FGF13: variants seen among roughly 807,000 people sequenced by gnomAD.
FGF13 encodes fibroblast growth factor homologous factor 2.
In FGF13, 2 loss-of-function variants were observed where a neutral mutation model predicts 19.5. The observed-to-expected ratio is 0.10, with a 90% CI of 0.04 to 0.32. The LOEUF (loss-of-function observed/expected upper bound fraction) is 0.32. FGF13 is among the 10% of genes least tolerant of loss of function. The pLI is 1.00. For synonymous variants in FGF13, 72 were observed against 76.9 expected (o/e 0.94, Z 0.33); for missense variants, 113 against 192.7 (o/e 0.59, Z 2.45).
intron 1 of FGF13, among the ~76,000 whole-genome samples, chrX:139,091,816 C>T (rs145324831): frequency 0.027 from 2,964 of 110,433 alleles, 45 homozygotes; most frequent in Admixed American, 0.074. Flanking sequence ...TGGAAATGAG[C>T]GCACATGAAG....
At chrX:138,662,526 T>A (rs1310554258) in intron 3 of FGF13, among the ~76,000 whole-genome samples, 1 of 111,511 alleles carries the variant, frequency 9.0e-6, no homozygotes, top group Non-Finnish European at 1.9e-5. Flanking sequence ...ACATACTGAA[T>A]CTACATCCAG....
intron 1 of FGF13, among the ~76,000 whole-genome samples, chrX:138,915,679 T>C (rs933626125): frequency 4.5e-5 from 5 of 111,839 alleles, no homozygotes; most frequent in African/African-American, 1.6e-4. Flanking sequence ...GACGGGTCCA[T>C]GGTCTTCTCT....
intron 1 of FGF13, among the ~76,000 whole-genome samples, chrX:139,133,982 C>A: frequency 9.0e-6 from 1 of 111,679 alleles, no homozygotes. Context: ...TCAGGCCACA[C>A]TTGTCTTCCA....
intron 1 of FGF13, among the ~76,000 whole-genome samples, chrX:139,076,439 A>G (rs1466373381): frequency 1.8e-5 from 2 of 111,497 alleles, no homozygotes; most frequent in Non-Finnish European, 3.8e-5. Context: ...CAGATCTAAA[A>G]AGGTAAAAAA....
intron 1 of FGF13, among the ~76,000 whole-genome samples, chrX:139,156,874 G>A (rs151263884): frequency 5.2e-4 from 58 of 111,871 alleles, no homozygotes; most frequent in Admixed American, 3.8e-4. Flanking sequence ...ATTGCTTTAT[G>A]TCAAATTGAA....
In FGF13 at chrX:138,617,363, T is replaced by G. The variant is rs1433220098; in HGVS notation, c.*15487A>C. 8.9e-6 allele frequency: 1 copy of G among 112,009 alleles called. No homozygotes were observed. The highest frequency in any genetic ancestry group is 1.9e-5 in the Non-Finnish European group (1 of 53,247). 9.2% of individuals were successfully genotyped at this position (112,009 alleles called of 1,213,427 possible). ...TTATTTTATAGATAAGAGCATTAAT[T>G]GATGGATATATTTTCATAATGAAAT... On this transcript the variant is annotated 3_prime_UTR_variant, in exon 5 of 5. Coordinates refer to ENST00000315930, the MANE Select transcript of FGF13 (RefSeq NM_004114.5).
intron 3 of FGF13, among the ~76,000 whole-genome samples, chrX:138,655,493 A>C (rs991089489): frequency 1.8e-5 from 2 of 111,845 alleles, no homozygotes; most frequent in African/African-American, 6.5e-5. Flanking sequence ...TAATTGGTTA[A>C]AGAAAAACAA....
At chrX:138,950,906 C>A (rs1234748645) in intron 1 of FGF13, among the ~76,000 whole-genome samples, 1 of 110,923 alleles carries the variant, frequency 9.0e-6, no homozygotes, top group African/African-American at 3.3e-5. Context: ...TTGCTTCTGG[C>A]ACTAAAAACT....
chrX:139,122,827 T>C, intron 1 of FGF13, among the ~76,000 whole-genome samples: 1 of 111,386 alleles, frequency 9.0e-6, no homozygotes, highest in Non-Finnish European at 1.9e-5. Context: ...CAGCAAATCT[T>C]GCAAACTCTA....
chrX:138,985,759 G>A (rs2124341099), intron 1 of FGF13, among the ~76,000 whole-genome samples: 1 of 112,139 alleles, frequency 8.9e-6, no homozygotes, highest in Non-Finnish European at 1.9e-5. Context: ...TAGAAAATAA[G>A]TAAATAGTAA....
intron 3 of FGF13, among the ~76,000 whole-genome samples, chrX:138,674,223 C>T (rs921437511): frequency 1.8e-5 from 2 of 110,860 alleles, no homozygotes; most frequent in African/African-American, 6.6e-5. Context: ...ACACTTAAAT[C>T]CCTCAACTCT....
At chrX:138,781,128 G>C (rs1289576565) in intron 3 of FGF13, among the ~76,000 whole-genome samples, 20 of 111,098 alleles carry the variant, frequency 1.8e-4, no homozygotes, top group South Asian at 3.8e-4. Context: ...TGAGAACAAA[G>C]ACACAACATA....
intron 1 of FGF13, among the ~76,000 whole-genome samples, chrX:138,942,811 C>T (rs779358491): frequency 2.2e-4 from 25 of 111,124 alleles, no homozygotes; most frequent in Non-Finnish European, 3.8e-4. Context: ...CTCATTATGC[C>T]GACTCCTTGT....
At chrX:139,013,099 C>T (rs972184883) in intron 1 of FGF13, among the ~76,000 whole-genome samples, 2 of 111,505 alleles carry the variant, frequency 1.8e-5, no homozygotes. Context: ...AAATGCTGAA[C>T]ATCACTGATG....
At chrX:138,881,053 A>G (rs1244337620) in intron 1 of FGF13, among the ~76,000 whole-genome samples, 1 of 112,010 alleles carries the variant, frequency 8.9e-6, no homozygotes, top group Non-Finnish European at 1.9e-5. Context: ...CTTTCTATTC[A>G]TGAACACAGG....
chrX:138,630,627 G>C lies in FGF13; in HGVS notation c.*2223C>G, dbSNP rs2089106296. On this transcript the variant is annotated 3_prime_UTR_variant, in exon 5 of 5. Transcript: ENST00000315930. The stretch of plus-strand genomic sequence containing the variant: ...GGGATAGGAGCTCATGCTGAATCTG[G>C]TCCAAACATCTTAGAAATGAGGAGT... 9.0e-6 allele frequency: 1 copy of C among 111,166 alleles called. No individual in the cohort carries two copies. Among genetic ancestry groups the C allele is most frequent in the Non-Finnish European group, 1.9e-5 (1 of 53,038 alleles). The allele number at this position is 111,166 out of a possible 1,213,427, so 9.2% of individuals were successfully genotyped here.
At chrX:138,649,823 G>A (rs980104580) in intron 3 of FGF13, among the ~76,000 whole-genome samples, 1 of 112,413 alleles carries the variant, frequency 8.9e-6, no homozygotes, top group African/African-American at 3.2e-5. Flanking sequence ...GATTTCCCTA[G>A]ACAGTCAGAA....
intron 1 of FGF13, among the ~76,000 whole-genome samples, chrX:138,993,653 AAC>A (rs1569437941): frequency 3.6e-5 from 4 of 111,826 alleles, no homozygotes; most frequent in Non-Finnish European, 7.5e-5. Context: ...TCATCAAAAT[AAC>A]AGATACATAG....
chrX:138,857,626 A>G (rs1410571481), exon 3 of FGF13: 2 of 1,207,330 alleles, frequency 1.7e-6, no homozygotes, highest in Non-Finnish European at 2.2e-6. Context: ...GATTGGATGG[A>G]ATCTTGTCGT....
Sources: gnomAD v4.1 joint callset for allele counts (sites outside exome capture counted in the v4.1 genomes callset) on GRCh38, gnomAD v4.1.1 for gene constraint, MANE v1.5 for transcripts, NCBI Gene and HGNC (gene_info 2026-07-23, HGNC 2026-07-21) for gene names.